Variants in BIRC6 observed in about 807,000 individuals in gnomAD.
BIRC6 encodes the protein baculoviral IAP repeat containing 6.
A neutral mutation model predicts 503.3 loss-of-function variants in BIRC6; 98 were observed. That is an observed-to-expected ratio of 0.19 (90% CI 0.17 to 0.23). The LOEUF is 0.23. BIRC6 is among the 10% of genes least tolerant of loss of function. The pLI, the probability that BIRC6 is intolerant of heterozygous loss-of-function variation, is 1.00. For synonymous variants in BIRC6, 2,240 were observed against 2,078.7 expected, an observed-to-expected ratio of 1.08 and a Z score of -2.11; for missense variants, 5,360 against 5,806.0, an observed-to-expected ratio of 0.92 and a Z score of 2.50.
At chr2:32,423,053 T>G (rs1408007379) in intron 10 of BIRC6, among the ~76,000 whole-genome samples, 2 of 152,288 alleles carry the variant, frequency 1.3e-5, no homozygotes, top group East Asian at 3.9e-4. Context: ...TTCTCCTGCC[T>G]CAGCCTCCCA....
intron 61 of BIRC6, among the ~76,000 whole-genome samples, chr2:32,534,615 C>G (rs2057052831): frequency 6.7e-6 from 1 of 150,340 alleles, no homozygotes; most frequent in Admixed American, 6.6e-5. Context: ...CTTGTAATCC[C>G]AGCTACTCGG....
intron 65 of BIRC6, chr2:32,564,636 C>T (rs528088879): frequency 2.0e-5 from 3 of 152,320 alleles, no homozygotes; most frequent in African/African-American, 7.2e-5. Flanking sequence ...GACTATTCAC[C>T]TATCCTTTCC....
At chr2:32,531,333 T>C in intron 60 of BIRC6, 22 bp from the exon 61 acceptor site, 1 of 1,579,718 alleles carries the variant, frequency 6.3e-7, no homozygotes, top group Non-Finnish European at 8.6e-7. Context: ...ACCTATTCAG[T>C]TATTTGTAAT....
intron 23 of BIRC6, among the ~76,000 whole-genome samples, chr2:32,458,524 A>G (rs1044831808): frequency 3.3e-5 from 5 of 150,896 alleles, no homozygotes; most frequent in African/African-American, 1.2e-4. Context: ...TCTTTTTTTT[A>G]TACTTGTTCT....
intron 25 of BIRC6, 73 bp downstream of exon 25, chr2:32,464,896 G>T (rs1477579404): frequency 6.6e-7 from 1 of 1,509,800 alleles, no homozygotes; most frequent in Non-Finnish European, 8.9e-7. Context: ...ACTTTAGAAG[G>T]CAAAATTTTT....
intron 1 of BIRC6, among the ~76,000 whole-genome samples, chr2:32,364,629 C>A (rs2034615042): frequency 6.6e-6 from 1 of 151,272 alleles, no homozygotes; most frequent in South Asian, 2.1e-4. Flanking sequence ...TTTTTTTTTC[C>A]ACTGGGTTTT....
At position 32,545,721 on chromosome 2, in the gene BIRC6, C is replaced by T. The variant is rs1443777667; in HGVS notation, c.12671C>T (p.Thr4224Ile). Residue 4224 changes from threonine to isoleucine, a missense_variant, in exon 63 of 74, where the codon ACA (threonine) becomes ATA (isoleucine). Physicochemically the swap from Thr to Ile is moderately conservative, Grantham distance 89 (BLOSUM62 -1). This residue lies in a region of BIRC6 where 477 missense variants were observed against 574.4 expected (regional missense o/e 0.83). Transcript: ENST00000421745. ...FHVLRSLFST[T>I]PLTTDDGVLL... ...GTCCTTCGTAGCTTGTTTAGCACTA[C>T]ACCTTTGACAACTGATGATGGTGTA... 5 of 1,613,770 alleles carry T rather than the reference C, an allele frequency of 3.1e-6. No homozygotes were observed. Among genetic ancestry groups the T allele is most frequent in the Non-Finnish European group, 2.5e-6 (3 of 1,179,820 alleles).
In BIRC6 at chr2:32,435,527, A is replaced by G. The variant is rs920406654; in HGVS notation, c.3441A>G (p.Lys1147=). 1 of 1,554,714 alleles carries G rather than the reference A, an allele frequency of 6.4e-7. No individual in the cohort carries two copies. Among genetic ancestry groups the G allele is most frequent in the South Asian group, 1.2e-5 (1 of 84,194 alleles). ...ACATTGAAGTGGAACAAAATGGGAA[A>G]CCGTCCCTGGTTGATTTGAATGAAG... The part of the protein sequence containing the change: ...ALNIEVEQNG[K]PSLVDLNEEM... The change falls in exon 14 of 74, where the codon AAA becomes AAG. Residue 1147 remains lysine, a synonymous_variant. Transcript: ENST00000421745.
Position 32,493,588 on chromosome 2 carries a change from C to T in BIRC6, c.8389C>T (p.Gln2797Ter), listed in dbSNP as rs1198952879. 1 of 1,609,750 alleles carries T rather than the reference C, an allele frequency of 6.2e-7. No homozygotes were observed. The highest frequency in any genetic ancestry group is 1.7e-5 in the Admixed American group (1 of 60,018). ...TATGCAAGAATTTCTTACTCGATTA[C>T]AAGTGCATCTTTCTTCAACATGTCC... ...QAMQEFLTRL[Q>*]VHLSSTCPQI... The change falls in exon 45 of 74, where the codon CAA becomes TAA. Residue 2797 changes from glutamine (Q) to a stop codon, truncating the protein, a stop_gained. Transcript: ENST00000421745. LOFTEE classifies it high-confidence loss of function.
intron 17 of BIRC6, among the ~76,000 whole-genome samples, chr2:32,441,863 A>G (rs1353319409): frequency 6.6e-6 from 1 of 152,206 alleles, no homozygotes; most frequent in East Asian, 1.9e-4. Flanking sequence ...TACACATTCC[A>G]TGTTACATTA....
intron 61 of BIRC6, among the ~76,000 whole-genome samples, chr2:32,534,273 C>G (rs1352571096): frequency 6.7e-6 from 1 of 149,604 alleles, no homozygotes; most frequent in African/African-American, 2.5e-5. Flanking sequence ...GTTCAGGAGG[C>G]TGAGGCAAGA....
At chr2:32,414,365 C>G (rs1451392851) in intron 9 of BIRC6, among the ~76,000 whole-genome samples, 1 of 151,702 alleles carries the variant, frequency 6.6e-6, no homozygotes, top group Non-Finnish European at 1.5e-5. Flanking sequence ...GGAGGGCTGA[C>G]TGCACTTTAA....
At chr2:32,465,906 G>C (rs1239007500) in intron 26 of BIRC6, among the ~76,000 whole-genome samples, 1 of 141,372 alleles carries the variant, frequency 7.1e-6, no homozygotes, top group Admixed American at 7.0e-5. Context: ...AAGTCTTACA[G>C]TATTTTCTGC....
intron 3 of BIRC6, among the ~76,000 whole-genome samples, chr2:32,385,156 A>G (rs935102531): frequency 2.0e-5 from 3 of 152,246 alleles, no homozygotes; most frequent in African/African-American, 4.8e-5. Flanking sequence ...ATGATTCTGT[A>G]GCCATCCACT....
intron 66 of BIRC6, among the ~76,000 whole-genome samples, chr2:32,583,005 G>GT (rs1488597071): frequency 6.6e-6 from 1 of 152,038 alleles, no homozygotes; most frequent in Non-Finnish European, 1.5e-5. Flanking sequence ...GTTTTAAGTT[G>GT]TCCTCAATTA....
At chr2:32,501,337 C>G (rs2053168189) in intron 46 of BIRC6, among the ~76,000 whole-genome samples, 2 of 152,180 alleles carry the variant, frequency 1.3e-5, no homozygotes, top group South Asian at 4.1e-4. Context: ...GAGTGATGTT[C>G]TCAGTCATAT....
chr2:32,440,803 C>G (rs2045348828), intron 16 of BIRC6, among the ~76,000 whole-genome samples: 1 of 144,038 alleles, frequency 6.9e-6, no homozygotes, highest in South Asian at 2.2e-4. Context: ...TGCTCTGTTG[C>G]CCAGGCTGGA....
At chr2:32,467,454 A>G in intron 26 of BIRC6, 71 bp from the exon 27 acceptor site, 1 of 1,241,462 alleles carries the variant, frequency 8.1e-7, no homozygotes, top group African/African-American at 1.5e-5. Flanking sequence ...TGAGTGCTCC[A>G]AATTATTTTT....
Position 32,415,958 on chromosome 2 carries a change from T to C in BIRC6, c.2667T>C (p.Phe889=), listed in dbSNP as rs747716678. ...TGCAGTTAACCTCAAAGAATGGTTT[T>C]GAGAGAGAAAAAACGTCTGACATTT... The part of the protein sequence containing the change: ...EDMQLTSKNG[F]EREKTSDIST... The change falls in exon 10 of 74, where the codon TTT becomes TTC. Residue 889 remains phenylalanine, a synonymous_variant. Coordinates refer to ENST00000421745, the MANE Select transcript of BIRC6 (RefSeq NM_016252.4). 5.6e-6 allele frequency: 9 copies of C among 1,613,808 alleles called. No homozygotes were observed. Among genetic ancestry groups the C allele is most frequent in the Non-Finnish European group, 7.6e-6 (9 of 1,179,798 alleles).
Sources: allele counts gnomAD v4.1 joint callset (sites outside exome capture counted in the v4.1 genomes callset), GRCh38; gene constraint gnomAD v4.1.1; regional missense constraint gnomAD v4.1.1; transcripts MANE v1.5; gene names NCBI Gene and HGNC (gene_info 2026-07-23, HGNC 2026-07-21).